Variants in CDH2 observed in about 807,000 individuals in gnomAD.
CDH2 encodes the protein cadherin-2.
CDH2 carries 17 observed loss-of-function variants against 92.0 expected under a neutral mutation model. The ratio of observed to expected loss-of-function variants is 0.18; its 90% CI spans 0.13 to 0.28. CDH2 has a LOEUF of 0.28. CDH2 is among the 10% of genes least tolerant of loss of function. The pLI is 1.00. For missense variants in CDH2, 862 were observed against 1,133.1 expected, an observed-to-expected ratio of 0.76 and a Z score of 3.44; for synonymous variants, 419 against 415.9, an observed-to-expected ratio of 1.01 and a Z score of -0.09.
chr18:28,081,207 G>A (rs573962843), intron 2 of CDH2, among the ~76,000 whole-genome samples: 1 of 152,224 alleles, frequency 6.6e-6, no homozygotes, highest in South Asian at 2.1e-4. Flanking sequence ...TCCTTTTCTG[G>A]ATTCCTTTAA....
At chr18:27,969,169 C>CA (rs1452550394) in intron 14 of CDH2, among the ~76,000 whole-genome samples, 5 of 152,152 alleles carry the variant, frequency 3.3e-5, no homozygotes, top group Non-Finnish European at 7.4e-5. Flanking sequence ...CCCCCACCAA[C>CA]AAAAAATTTG....
chr18:28,077,785 G>A (rs558453951), intron 2 of CDH2, among the ~76,000 whole-genome samples: 2 of 150,420 alleles, frequency 1.3e-5, no homozygotes, highest in East Asian at 4.0e-4. Context: ...CAGCTACTCA[G>A]GAGGCTGAGG....
At position 27,982,989 on chromosome 18, in the gene CDH2, A is replaced by G. The variant is rs1313614787; in HGVS notation, c.2304T>C (p.Asp768=). The G allele has an allele frequency of 3.7e-6, 6 of 1,607,608 alleles. No individual in the cohort carries two copies. The highest frequency in any genetic ancestry group is 1.7e-5 in the Admixed American group (1 of 59,766). The part of the protein sequence containing the change: ...LLIDPEDDVR[D]NILKYDEEGG... ...CTTCTTCATCATATTTTAAAATATT[A>G]TCTCTTACATCATCTTCTGGATCAA... Residue 768 remains aspartate, a synonymous_variant, in exon 14 of 16, where the codon GAT becomes GAC. Coordinates refer to ENST00000269141, the MANE Select transcript of CDH2 (RefSeq NM_001792.5).
chr18:27,949,168 T>A (rs763396429), downstream of CDH2, among the ~76,000 whole-genome samples: 4 of 152,002 alleles, frequency 2.6e-5, no homozygotes, highest in Admixed American at 1.3e-4. Flanking sequence ...GGCTGGATTG[T>A]CTTACATTTT....
chr18:28,088,192 G>C (rs1389988820), intron 2 of CDH2, among the ~76,000 whole-genome samples: 2 of 152,142 alleles, frequency 1.3e-5, no homozygotes, highest in Non-Finnish European at 2.9e-5. Context: ...AAAGGAGGCT[G>C]TTTCACATCA....
chr18:27,976,707 G>A (rs865867669), intron 14 of CDH2, among the ~76,000 whole-genome samples: 6 of 152,106 alleles, frequency 3.9e-5, no homozygotes, highest in African/African-American at 1.4e-4. Context: ...CCTAACACAG[G>A]GTACACCAAA....
intron 2 of CDH2, among the ~76,000 whole-genome samples, chr18:28,060,730 A>G (rs1188452536): frequency 6.6e-6 from 1 of 152,202 alleles, no homozygotes; most frequent in Non-Finnish European, 1.5e-5. Context: ...ATCTTGTAAG[A>G]TAACATGATA....
intron 2 of CDH2, among the ~76,000 whole-genome samples, chr18:28,111,026 T>C (rs1001720298): frequency 1.3e-5 from 2 of 152,164 alleles, no homozygotes; most frequent in African/African-American, 4.8e-5. Context: ...CATCGGTCTG[T>C]GCAGAGTCAT....
rs17462588 is a variant in CDH2 at position 27,943,296 on chromosome 18, C to T, written c.1152-10172G>A. Among the ~76,000 whole-genome samples, 29 of 152,312 alleles carry T rather than the reference C, an allele frequency of 1.9e-4. No individual in the cohort carries two copies. In the East Asian group the frequency reaches 5.4e-3, roughly 28 times the overall value. Reference sequence around the variant, plus strand: ...TGAGCTCTGGAGCTAGACAGTTGGGCTTAATAAATCATGGCTCTGCCACTG... The same window carrying T: ...TGAGCTCTGGAGCTAGACAGTTGGGTTTAATAAATCATGGCTCTGCCACTG... On this transcript the variant is annotated intron_variant, in intron 6 of 6. Coordinates refer to the CDH2 transcript ENST00000675173.
intron 2 of CDH2, among the ~76,000 whole-genome samples, chr18:28,114,076 G>A (rs960854779): frequency 6.6e-6 from 1 of 152,028 alleles, no homozygotes; most frequent in African/African-American, 2.4e-5. Context: ...GAGGGATAGA[G>A]AGAGATTTGT....
rs533997177 is a variant in CDH2, at chr18:28,023,827, C to T, written c.173-9918G>A. Among the ~76,000 whole-genome samples the T allele has an allele frequency of 5.3e-5, 8 of 152,248 alleles. No individual in the cohort carries two copies. The East Asian group carries it at 5.8e-4, about 11-fold the overall frequency. On this transcript the variant is annotated intron_variant, in intron 2 of 15. Transcript: ENST00000269141. ...ATCTATTTGATTAACGTTGTCACTACGATGTGTGACATGCCCTCACTGCCT... is the reference window on the plus strand; with the variant it reads ...ATCTATTTGATTAACGTTGTCACTATGATGTGTGACATGCCCTCACTGCCT...
At chr18:27,940,739 G>GC (rs1357483883) in intron 6 of CDH2, among the ~76,000 whole-genome samples, 1 of 152,134 alleles carries the variant, frequency 6.6e-6, no homozygotes, top group Non-Finnish European at 1.5e-5. Context: ...AATTTAACAT[G>GC]CAAAAACAGT....
chr18:27,985,417 T>C (rs2143953377), intron 12 of CDH2, 111 bp downstream of exon 12: 1 of 869,970 alleles, frequency 1.1e-6, no homozygotes, highest in South Asian at 1.8e-5. Flanking sequence ...TTTAAGTAGC[T>C]TTTAAAATAT....
At chr18:27,936,216 G>A (rs984786188) in intron 6 of CDH2, among the ~76,000 whole-genome samples, 29 of 152,116 alleles carry the variant, frequency 1.9e-4, no homozygotes, top group African/African-American at 6.8e-4. Flanking sequence ...TTCTACAAAG[G>A]TCTTTTATAT....
intron 2 of CDH2, among the ~76,000 whole-genome samples, chr18:28,032,366 A>G (rs1038172347): frequency 6.6e-6 from 1 of 152,146 alleles, no homozygotes; most frequent in African/African-American, 2.4e-5. Context: ...TTCAACGAGA[A>G]TGTGTGTTGA....
chr18:28,098,450 C>T (rs2015173005), intron 2 of CDH2, among the ~76,000 whole-genome samples: 1 of 152,132 alleles, frequency 6.6e-6, no homozygotes, highest in African/African-American at 2.4e-5. Context: ...TTTTCATCAA[C>T]TGATCAATAC....
intron 2 of CDH2, among the ~76,000 whole-genome samples, chr18:28,109,823 C>G (rs970103085): frequency 6.6e-6 from 1 of 152,154 alleles, no homozygotes; most frequent in Non-Finnish European, 1.5e-5. Context: ...TAGATTCTTA[C>G]AATAACAAAA....
intron 6 of CDH2, among the ~76,000 whole-genome samples, chr18:27,939,920 G>A (rs943743231): frequency 6.6e-6 from 1 of 152,140 alleles, no homozygotes; most frequent in Non-Finnish European, 1.5e-5. Flanking sequence ...TCCTAGGGCT[G>A]CACACATCCA....
chr18:27,968,584 G>A (rs948192427), intron 14 of CDH2, among the ~76,000 whole-genome samples: 23 of 152,202 alleles, frequency 1.5e-4, no homozygotes, highest in African/African-American at 5.1e-4. Context: ...ACACATGGAG[G>A]AGAGGGGTGG....
Sources: gnomAD v4.1 joint callset for allele counts (sites outside exome capture counted in the v4.1 genomes callset) on GRCh38, gnomAD v4.1.1 for gene constraint, MANE v1.5 for transcripts, NCBI Gene and HGNC (gene_info 2026-07-23, HGNC 2026-07-21) for gene names.